Variants in RBFOX3 observed in about 807,000 individuals in gnomAD.
RBFOX3 encodes RNA binding fox-1 homolog 3.
A neutral mutation model predicts 48.7 loss-of-function variants in RBFOX3; 17 were observed. That is an observed-to-expected ratio of 0.35 (90% CI 0.24 to 0.52). The LOEUF (loss-of-function observed/expected upper bound fraction) is 0.52, where lower values mean the gene tolerates loss of function less well. RBFOX3 is among the 20% of genes least tolerant of loss of function. The pLI, the probability that RBFOX3 is intolerant of heterozygous loss-of-function variation, is 0.94. For missense variants in RBFOX3, 382 were observed against 497.5 expected (o/e 0.77, Z 2.21); for synonymous variants, 212 against 209.5 (o/e 1.01, Z -0.10).
chr17:79,440,744 C>T (rs782103318), intron 2 of RBFOX3, among the ~76,000 whole-genome samples: 1 of 152,174 alleles, frequency 6.6e-6, no homozygotes, highest in African/African-American at 2.4e-5. Flanking sequence ...GCCATACCCC[C>T]CTTCCCCATG....
chr17:79,173,268 C>T (rs1233343780), intron 4 of RBFOX3, among the ~76,000 whole-genome samples: 3 of 134,466 alleles, frequency 2.2e-5, no homozygotes, highest in Non-Finnish European at 4.7e-5. Context: ...TGTAAACTTC[C>T]CTGTGACAAG....
rs972557640 is a variant in RBFOX3, at chr17:79,103,728, C to A, written c.414+345G>T. Among the ~76,000 whole-genome samples the A allele has an allele frequency of 6.6e-6, 1 of 152,084 alleles. No homozygotes were observed. The highest frequency in any genetic ancestry group is 2.4e-5 in the African/African-American group (1 of 41,398). ...AGGGCTTGTCTCCGCCGGACACCCT[C>A]CCCAGCCTGCCCTCTCTGTAGCCCC... On this transcript the variant is annotated intron_variant, in intron 7 of 14. Coordinates refer to ENST00000693108, the MANE Select transcript of RBFOX3 (RefSeq NM_001350451.2). The surrounding 1 kb of genome is among the most constrained non-coding windows in gnomAD (Gnocchi z 6.1).
At chr17:79,166,670 T>C (rs1320195640) in intron 4 of RBFOX3, among the ~76,000 whole-genome samples, 1 of 151,898 alleles carries the variant, frequency 6.6e-6, no homozygotes, top group African/African-American at 2.4e-5. Context: ...ACCATCCACC[T>C]GGCCGAGGGA....
intron 5 of RBFOX3, among the ~76,000 whole-genome samples, chr17:79,112,917 G>GGGGGGC (rs2032476219): frequency 9.1e-6 from 1 of 109,666 alleles, no homozygotes; most frequent in Non-Finnish European, 1.9e-5. Context: ...GGGGGGGGTG[G>GGGGGGC]GCTGGGTAGG....
chr17:79,577,141 T>C (rs1384347823), intron 1 of RBFOX3, among the ~76,000 whole-genome samples: 3 of 152,164 alleles, frequency 2.0e-5, no homozygotes, highest in Non-Finnish European at 4.4e-5. Flanking sequence ...CAAGAAGTGA[T>C]CTTGGCTTTG....
At chr17:79,368,898 T>G (rs1000155) in intron 2 of RBFOX3, among the ~76,000 whole-genome samples, 19,860 of 152,300 alleles carry the variant, frequency 0.13, 1,762 homozygotes, top group African/African-American at 0.24. Flanking sequence ...CTTTTCACTA[T>G]TTTTTGATGG....
intron 3 of RBFOX3, among the ~76,000 whole-genome samples, chr17:79,279,295 G>A (rs2069680329): frequency 6.6e-6 from 1 of 152,156 alleles, no homozygotes; most frequent in Non-Finnish European, 1.5e-5. Flanking sequence ...GCACACAGTA[G>A]GCACTCGATA....
rs1312932913 is a variant in RBFOX3 at position 79,089,666 on chromosome 17, T to C, written c.*1217A>G. The C allele has an allele frequency of 1.3e-5, 2 of 152,610 alleles. No individual in the cohort carries two copies. The highest frequency in any genetic ancestry group is 2.1e-4 in the South Asian group (1 of 4,834). The allele number at this position is 152,610 out of a possible 1,614,324, so 9.5% of individuals were successfully genotyped here. A position where few individuals can be genotyped will look rare whatever the true frequency, so the allele number is the denominator to read the frequency against. On this transcript the variant is annotated 3_prime_UTR_variant, in exon 15 of 15. Transcript: ENST00000693108. ...GTATTTTTAAATTTTTGACACTTCA[T>C]GAGACAGTGGAGCCACGTTGGGAGC...
At chr17:79,200,195 G>A (rs1342958266) in intron 4 of RBFOX3, among the ~76,000 whole-genome samples, 1 of 147,680 alleles carries the variant, frequency 6.8e-6, no homozygotes, top group African/African-American at 2.5e-5. Flanking sequence ...TGGGAGAAAA[G>A]TACCCTCCTT....
intron 4 of RBFOX3, among the ~76,000 whole-genome samples, chr17:79,197,922 ACT>A (rs1567825465): frequency 6.6e-6 from 1 of 151,922 alleles, no homozygotes; most frequent in Non-Finnish European, 1.5e-5. Flanking sequence ...ACCTCCCCCG[ACT>A]CCGGGCATGG....
chr17:79,588,330 G>A (rs933246719), intron 1 of RBFOX3, among the ~76,000 whole-genome samples: 21 of 152,172 alleles, frequency 1.4e-4, no homozygotes, highest in African/African-American at 2.4e-4. Flanking sequence ...ATTCTCCCCC[G>A]GGGACTCTGG....
intron 3 of RBFOX3, among the ~76,000 whole-genome samples, chr17:79,283,895 A>T (rs998133921): frequency 6.6e-6 from 1 of 152,090 alleles, no homozygotes; most frequent in Non-Finnish European, 1.5e-5. Context: ...TTATAAATGG[A>T]GATGCCTTCT....
chr17:79,171,059 C>T (rs981728111), intron 4 of RBFOX3, among the ~76,000 whole-genome samples: 2 of 152,224 alleles, frequency 1.3e-5, no homozygotes, highest in African/African-American at 4.8e-5. Flanking sequence ...TAGATCTGAG[C>T]TGTCCACTTC....
intron 2 of RBFOX3, among the ~76,000 whole-genome samples, chr17:79,360,701 G>A (rs1470784881): frequency 2.0e-5 from 3 of 152,014 alleles, no homozygotes; most frequent in East Asian, 3.9e-4. Flanking sequence ...TAATTTATAG[G>A]GTTATCGGTG....
intron 9 of RBFOX3, chr17:79,099,299 AAACT>A (rs2146384674): frequency 6.6e-6 from 1 of 152,284 alleles, no homozygotes; most frequent in Admixed American, 6.5e-5. Flanking sequence ...CTAATTTTAA[AAACT>A]ATCTGTAGAG....
At chr17:79,353,654 G>A (rs527307925) in intron 2 of RBFOX3, among the ~76,000 whole-genome samples, 1 of 152,300 alleles carries the variant, frequency 6.6e-6, no homozygotes, top group East Asian at 1.9e-4. Flanking sequence ...GATTCTGCAC[G>A]TGGCCTCTCC....
At chr17:79,565,281 C>T (rs1318998423) in intron 1 of RBFOX3, among the ~76,000 whole-genome samples, 3 of 151,674 alleles carry the variant, frequency 2.0e-5, no homozygotes, top group African/African-American at 7.3e-5. Context: ...TGCAAAGAGA[C>T]ACTATTTACT....
intron 1 of RBFOX3, among the ~76,000 whole-genome samples, chr17:79,546,356 G>A (rs782072439): frequency 2.6e-5 from 4 of 152,128 alleles, no homozygotes; most frequent in East Asian, 3.9e-4. Flanking sequence ...CCACACAAAC[G>A]GCCATCAGAT....
chr17:79,659,595 A>G, the RBFOX3 span, among the ~76,000 whole-genome samples: 1 of 152,158 alleles, frequency 6.6e-6, no homozygotes, highest in Admixed American at 6.5e-5. Context: ...GCCACACCCC[A>G]GACACCACGA....
Sources: allele counts gnomAD v4.1 joint callset (sites outside exome capture counted in the v4.1 genomes callset), GRCh38; gene constraint gnomAD v4.1.1; non-coding constraint Gnocchi (gnomAD v3.1); transcripts MANE v1.5; gene names NCBI Gene and HGNC (gene_info 2026-07-23, HGNC 2026-07-21).